Variants in FHIP2A observed in about 807,000 individuals in gnomAD.
FHIP2A encodes the protein FHF complex subunit HOOK interacting protein 2A.
Under a neutral mutation model 93.5 loss-of-function variants are expected in FHIP2A, and 46 were observed. That is an observed-to-expected ratio of 0.49 (90% CI 0.39 to 0.63). The LOEUF (loss-of-function observed/expected upper bound fraction) is 0.63, where lower values mean the gene tolerates loss of function less well. Among genes scored for constraint, FHIP2A ranks in the 20% least tolerant of loss-of-function variants. FHIP2A has a pLI of 0.00. For missense variants in FHIP2A, 769 were observed against 909.7 expected (o/e 0.85, Z 1.99); for synonymous variants, 332 against 326.5 (o/e 1.02, Z -0.18).
chr10:114,861,212 C>T lies in FHIP2A; in HGVS notation c.2089-19C>T, dbSNP rs2083796596. The T allele has an allele frequency of 1.2e-6, 2 of 1,613,394 alleles. No individual in the cohort carries two copies. The highest frequency in any genetic ancestry group is 1.7e-6 in the Non-Finnish European group (2 of 1,179,762). On this transcript the variant is annotated intron_variant, in intron 15 of 16. Transcript: ENST00000369248. ...GTAGCTGATTTCAGGAACTGAAGTG[C>T]CTTGCCTCTGTGATGCAGGTTGTTG...
chr10:114,864,748 G>A, downstream of FHIP2A: 1 of 955,532 alleles, frequency 1.0e-6, no homozygotes, highest in Non-Finnish European at 1.2e-6. Context: ...TTCTAATTGG[G>A]AACATTTTAT....
At position 114,862,279 on chromosome 10, in the gene FHIP2A, A is replaced by G. The variant is rs150570632; in HGVS notation, c.*739A>G. On this transcript the variant is annotated 3_prime_UTR_variant, in exon 17 of 17. Coordinates refer to ENST00000369248, the MANE Select transcript of FHIP2A (RefSeq NM_020940.4). ...CTGTGTCGTTTTCGCAGCAGTGTTC[A>G]ATTTGCTCACCATTGGTAGTGTTTG... is the stretch of plus-strand genomic sequence containing the variant. 2.2e-4 allele frequency: 219 copies of G among 987,222 alleles called. No individual in the cohort carries two copies. Among genetic ancestry groups the G allele is most frequent in the Non-Finnish European group, 2.6e-4 (214 of 830,102 alleles). 61.2% of individuals were successfully genotyped at this position (987,222 alleles called of 1,614,324 possible). A position where few individuals can be genotyped will look rare whatever the true frequency, so the allele number is the denominator to read the frequency against.
At chr10:114,865,523 G>A (rs550538046), downstream of FHIP2A, among the ~76,000 whole-genome samples, 10 of 152,080 alleles carry the variant, frequency 6.6e-5, no homozygotes, top group South Asian at 2.1e-4. Context: ...CACTTTAGAC[G>A]GAAATAAAGA....
In FHIP2A at chr10:114,835,518, C is replaced by T. The variant is rs2083632100; in HGVS notation, c.295-19C>T. Reference sequence around the variant, plus strand: ...TTGTCTGTTGTTTTCCTGTTGGCTTCCTTTTTTCCTATACCCAGTGTCCTC... The same window carrying T: ...TTGTCTGTTGTTTTCCTGTTGGCTTTCTTTTTTCCTATACCCAGTGTCCTC... On this transcript the variant is annotated intron_variant, in intron 3 of 16. Coordinates refer to ENST00000369248, the MANE Select transcript of FHIP2A (RefSeq NM_020940.4). 6.7e-7 allele frequency: 1 copy of T among 1,500,434 alleles called. No individual in the cohort carries two copies. Among genetic ancestry groups the T allele is most frequent in the African/African-American group, 1.4e-5 (1 of 72,094 alleles). 92.9% of individuals were successfully genotyped at this position (1,500,434 alleles called of 1,614,324 possible).
downstream of FHIP2A, among the ~76,000 whole-genome samples, chr10:114,866,734 G>A (rs968908864): frequency 3.3e-5 from 5 of 152,290 alleles, no homozygotes; most frequent in African/African-American, 1.2e-4. Flanking sequence ...TTAGAGAAAC[G>A]AGACCCAAAT....
rs760784557 is a variant in FHIP2A, at chr10:114,843,134, C to A, written c.724C>A (p.Leu242Ile). Reference sequence around the variant, plus strand: ...TCACCTGTCCACAAGCTTGGATAACCTCAGTGTCACCTCACTGCCAGAGGC... The same window carrying A: ...TCACCTGTCCACAAGCTTGGATAACATCAGTGTCACCTCACTGCCAGAGGC... ...MDHLSTSLDN[L>I]SVTSLPEASV... Residue 242 changes from leucine to isoleucine, a missense_variant, in exon 6 of 17, where the codon CTC (leucine) becomes ATC (isoleucine). Transcript: ENST00000369248. 1 of 1,614,030 alleles carries A rather than the reference C, an allele frequency of 6.2e-7. No individual in the cohort carries two copies. Among genetic ancestry groups the A allele is most frequent in the East Asian group, 2.2e-5 (1 of 44,870 alleles).
chr10:114,824,140 A>T (rs2083559831), intron 1 of FHIP2A, among the ~76,000 whole-genome samples: 1 of 152,212 alleles, frequency 6.6e-6, no homozygotes, highest in Admixed American at 6.5e-5. Context: ...GGACTTGAAC[A>T]TCCTCAGATC....
At position 114,863,900 on chromosome 10, in the gene FHIP2A, A is replaced by T; in HGVS notation, c.*2360A>T. On this transcript the variant is annotated 3_prime_UTR_variant, in exon 17 of 17. Coordinates refer to ENST00000369248, the MANE Select transcript of FHIP2A (RefSeq NM_020940.4). ...GTATCAATAAATATGCACATTTTTT[A>T]AAACTTTCTAACAATATAGTCTTTG... The T allele has an allele frequency of 9.2e-7, 1 of 1,087,336 alleles. No homozygotes were observed. The highest frequency in any genetic ancestry group is 1.1e-6 in the Non-Finnish European group (1 of 888,736). 67.4% of individuals were successfully genotyped at this position (1,087,336 alleles called of 1,614,324 possible). A position where few individuals can be genotyped will look rare whatever the true frequency, so the allele number is the denominator to read the frequency against.
At chr10:114,870,837 T>C (rs773054664) in intron 16 of FHIP2A, among the ~76,000 whole-genome samples, 52 of 152,254 alleles carry the variant, frequency 3.4e-4, no homozygotes, top group East Asian at 3.9e-4. Context: ...TTTGTGTTGC[T>C]AGGCTAGGAC....
chr10:114,853,495 CAATA>C (rs1350435578), intron 13 of FHIP2A, among the ~76,000 whole-genome samples: 1 of 152,082 alleles, frequency 6.6e-6, no homozygotes, highest in Non-Finnish European at 1.5e-5. Context: ...ATTCAAATAA[CAATA>C]AAGTAAAGAC....
chr10:114,880,130 A>C (rs6585300), intron 16 of FHIP2A, among the ~76,000 whole-genome samples: 81,113 of 152,012 alleles, frequency 0.53, 21,970 homozygotes, highest in African/African-American at 0.62. Context: ...TGCATGATTC[A>C]ATTTACATGA....
chr10:114,898,172 G>C (rs1277684764), intron 16 of FHIP2A, among the ~76,000 whole-genome samples: 1 of 152,130 alleles, frequency 6.6e-6, no homozygotes, highest in African/African-American at 2.4e-5. Context: ...TTGTTGTTCT[G>C]CTTTGTGATA....
At chr10:114,842,673 A>G (rs1243964680) in intron 5 of FHIP2A, among the ~76,000 whole-genome samples, 3 of 152,132 alleles carry the variant, frequency 2.0e-5, no homozygotes, top group Admixed American at 2.0e-4. Flanking sequence ...GCAGTAGTCA[A>G]ATTATCAGTA....
chr10:114,830,266 CCTA>C (rs2083600089), intron 1 of FHIP2A, among the ~76,000 whole-genome samples: 1 of 137,378 alleles, frequency 7.3e-6, no homozygotes, highest in Non-Finnish European at 1.5e-5. Flanking sequence ...ACCTCTGAAA[CCTA>C]CTTTTTTTTT....
intron 15 of FHIP2A, 100 bp from the exon 16 acceptor site, chr10:114,861,131 C>A: frequency 6.8e-7 from 1 of 1,474,234 alleles, no homozygotes; most frequent in Non-Finnish European, 9.1e-7. Context: ...AGTTTACGTT[C>A]TTTATTAAAT....
intron 13 of FHIP2A, among the ~76,000 whole-genome samples, chr10:114,852,083 C>A (rs186171692): frequency 8.7e-6 from 1 of 115,574 alleles, no homozygotes; most frequent in Non-Finnish European, 1.7e-5. Flanking sequence ...TCCCACCCCC[C>A]ACCCCAGCCC....
At chr10:114,857,927 T>A (rs566165346) in intron 14 of FHIP2A, among the ~76,000 whole-genome samples, 2 of 152,346 alleles carry the variant, frequency 1.3e-5, no homozygotes, top group South Asian at 4.1e-4. Flanking sequence ...GGGAACATTG[T>A]AAGGAGGCCA....
At chr10:114,871,908 C>A (rs2083862041) in intron 16 of FHIP2A, among the ~76,000 whole-genome samples, 1 of 152,132 alleles carries the variant, frequency 6.6e-6, no homozygotes, top group African/African-American at 2.4e-5. Context: ...GAATGTAGGC[C>A]ACCAATAAAT....
In FHIP2A at chr10:114,864,271, C is replaced by T. The variant is rs1241704274; in HGVS notation, c.*2731C>T. 1.0e-6 allele frequency: 1 copy of T among 982,552 alleles called. No homozygotes were observed. Among genetic ancestry groups the T allele is most frequent in the Non-Finnish European group, 1.2e-6 (1 of 827,100 alleles). 60.9% of individuals were successfully genotyped at this position (982,552 alleles called of 1,614,324 possible). On this transcript the variant is annotated 3_prime_UTR_variant, in exon 17 of 17. Coordinates refer to ENST00000369248, the MANE Select transcript of FHIP2A (RefSeq NM_020940.4). Reference sequence around the variant, plus strand: ...AAATTATTGCATTAACATACAATTGCCATTTAATTATGAAGTCCATCAGTA... The same window carrying T: ...AAATTATTGCATTAACATACAATTGTCATTTAATTATGAAGTCCATCAGTA...
Sources: allele counts gnomAD v4.1 joint callset (sites outside exome capture counted in the v4.1 genomes callset), GRCh38; gene constraint gnomAD v4.1.1; transcripts MANE v1.5; gene names NCBI Gene and HGNC (gene_info 2026-07-23, HGNC 2026-07-21).